Variants in POU2F2 observed in about 807,000 individuals in gnomAD.
POU2F2 encodes POU class 2 homeobox 2.
In POU2F2, 14 loss-of-function variants were observed where a neutral mutation model predicts 63.5. The observed-to-expected ratio is 0.22, with a 90% CI of 0.15 to 0.34. POU2F2 has a LOEUF of 0.34. Ranked by LOEUF, POU2F2 falls within the 10% of genes least tolerant of loss-of-function variation. The pLI is 1.00. For synonymous variants in POU2F2, 306 were observed against 348.6 expected, an observed-to-expected ratio of 0.88 and a Z score of 1.36; for missense variants, 607 against 815.2, an observed-to-expected ratio of 0.74 and a Z score of 3.11.
At chr19:42,146,047 A>AG (rs1568412928) in intron 2 of POU2F2, among the ~76,000 whole-genome samples, 3 of 125,288 alleles carry the variant, frequency 2.4e-5, no homozygotes, top group Admixed American at 1.7e-4. Context: ...AAAAAAAAAA[A>AG]AAAAAGAAAA....
chr19:42,163,105 GACAT>G (rs981629999), intron 1 of POU2F2, among the ~76,000 whole-genome samples: 1 of 152,100 alleles, frequency 6.6e-6, no homozygotes, highest in African/African-American at 2.4e-5. Context: ...AGGGGCATGG[GACAT>G]ACAGCAAACA....
chr19:42,186,610 A>G (rs1483286513), intron 1 of POU2F2, among the ~76,000 whole-genome samples: 1 of 152,098 alleles, frequency 6.6e-6, no homozygotes. Flanking sequence ...TTTTGAGAAT[A>G]TGAATCTGAG....
intron 7 of POU2F2, among the ~76,000 whole-genome samples, chr19:42,098,193 A>C (rs1484289037): frequency 6.6e-6 from 1 of 152,114 alleles, no homozygotes; most frequent in Non-Finnish European, 1.5e-5. Context: ...CAGGTGGATC[A>C]CCTGAAGTCA....
intron 1 of POU2F2, among the ~76,000 whole-genome samples, chr19:42,131,422 T>TGGTCATGCCTAC (rs2033718644): frequency 6.6e-6 from 1 of 152,058 alleles, no homozygotes; most frequent in African/African-American, 2.4e-5. Flanking sequence ...CTCATGCCCA[T>TGGTCATGCCTAC]GGTCATGCCT....
chr19:42,119,182 T>C (rs2032288152), intron 4 of POU2F2, among the ~76,000 whole-genome samples: 1 of 149,218 alleles, frequency 6.7e-6, no homozygotes, highest in Non-Finnish European at 1.5e-5. Flanking sequence ...AGATGCAGCA[T>C]GAAATGACAC....
chr19:42,101,082 G>C (rs2077123470), intron 5 of POU2F2, among the ~76,000 whole-genome samples: 1 of 152,076 alleles, frequency 6.6e-6, no homozygotes, highest in Non-Finnish European at 1.5e-5. Flanking sequence ...CTGCAGCCTG[G>C]GTGACAGAGC....
At chr19:42,124,454 CT>C (rs1360937403) in intron 1 of POU2F2, among the ~76,000 whole-genome samples, 40 of 151,006 alleles carry the variant, frequency 2.6e-4, no homozygotes, top group African/African-American at 9.7e-4. Flanking sequence ...TTTTAAATTC[CT>C]AATTAAAAAA....
At chr19:42,119,868 T>G (rs1318038739) in intron 4 of POU2F2, among the ~76,000 whole-genome samples, 1 of 152,376 alleles carries the variant, frequency 6.6e-6, no homozygotes, top group Non-Finnish European at 1.5e-5. Context: ...AGTCTCTGAT[T>G]GGTGCTTGAA....
At position 42,095,049 on chromosome 19, in the gene POU2F2, A is replaced by T. The variant is rs897075662; in HGVS notation, c.1197+237T>A. ...TCCTGTGTGGCTATGGCACTGTGAT[A>T]ACTCTGTGTCTGGCTATGTCGGTGT... On this transcript the variant is annotated intron_variant, in intron 11 of 14. Coordinates refer to ENST00000692977, the MANE Select transcript of POU2F2 (RefSeq NM_001394376.1). This position sits in a 1 kb window ranked among gnomAD's most constrained non-coding sequence, Gnocchi z 7.1. 3.9e-5 allele frequency among the ~76,000 whole-genome samples: 6 copies of T among 152,206 alleles called. No individual in the cohort carries two copies. Among genetic ancestry groups the T allele is most frequent in the Middle Eastern group, 3.4e-3 (1 of 294 alleles).
chr19:42,138,506 GA>G (rs2034063954), intron 2 of POU2F2, among the ~76,000 whole-genome samples: 1 of 152,218 alleles, frequency 6.6e-6, no homozygotes, highest in East Asian at 1.9e-4. Context: ...TTTGAGGTTG[GA>G]TTTGAAGTTG....
At position 42,096,931 on chromosome 19, in the gene POU2F2, G is replaced by T. The variant is rs2076942809; in HGVS notation, c.568-688C>A. ...ATCTCTATATCTTCCACTCAGTTTT[G>T]CTGTGAATCTAAAACAGCTCTTAAG... On this transcript the variant is annotated intron_variant, in intron 7 of 14. Transcript: ENST00000692977. The surrounding 1 kb of genome is among the most constrained non-coding windows in gnomAD (Gnocchi z 4.1). Among the ~76,000 whole-genome samples the T allele has an allele frequency of 2.0e-5, 3 of 151,894 alleles. No homozygotes were observed. Among genetic ancestry groups the T allele is most frequent in the African/African-American group, 7.3e-5 (3 of 41,328 alleles).
chr19:42,150,547 G>A (rs565074819), intron 2 of POU2F2, among the ~76,000 whole-genome samples: 1 of 151,794 alleles, frequency 6.6e-6, no homozygotes, highest in Admixed American at 6.5e-5. Flanking sequence ...ATCGATCGGG[G>A]CTGGAGGGGG....
chr19:42,168,400 G>C (rs970733717), intron 1 of POU2F2, among the ~76,000 whole-genome samples: 1 of 152,222 alleles, frequency 6.6e-6, no homozygotes, highest in African/African-American at 2.4e-5. Flanking sequence ...TCTCCTCTCA[G>C]TCCTCCTGAA....
chr19:42,092,316 C>A lies in POU2F2; in HGVS notation c.1265-46G>T. 1 of 1,429,898 alleles carries A rather than the reference C, an allele frequency of 7.0e-7. No homozygotes were observed. The highest frequency in any genetic ancestry group is 9.6e-7 in the Non-Finnish European group (1 of 1,037,170). The allele number at this position is 1,429,898 out of a possible 1,614,324, so 88.6% of individuals were successfully genotyped here. ...GATGGGGTCTTCAGCTTCCACTCGT[C>A]CCCCACTGAGGAACCTGGGGTCAGC... On this transcript the variant is annotated intron_variant, in intron 12 of 14. Transcript: ENST00000692977. This position sits in a 1 kb window ranked among gnomAD's most constrained non-coding sequence, Gnocchi z 5.0.
intron 1 of POU2F2, among the ~76,000 whole-genome samples, chr19:42,161,803 C>G (rs1209664732): frequency 2.6e-5 from 4 of 152,156 alleles, no homozygotes; most frequent in Non-Finnish European, 2.9e-5. Flanking sequence ...GAGGGAGGAG[C>G]TGGGGTTGCT....
intron 2 of POU2F2, among the ~76,000 whole-genome samples, chr19:42,151,184 G>A (rs1035522098): frequency 4.6e-5 from 7 of 152,306 alleles, no homozygotes; most frequent in South Asian, 2.1e-4. Flanking sequence ...GTCAGGCCAC[G>A]TCCCCTCAGC....
chr19:42,126,765 AGACCAATGC>A (rs1266974616), intron 1 of POU2F2, among the ~76,000 whole-genome samples: 1 of 152,092 alleles, frequency 6.6e-6, no homozygotes, highest in African/African-American at 2.4e-5. Flanking sequence ...CTTCCCCACA[AGACCAATGC>A]GACAGGCCTG....
intron 1 of POU2F2, among the ~76,000 whole-genome samples, chr19:42,182,993 C>A (rs958206648): frequency 1.3e-5 from 2 of 152,156 alleles, no homozygotes; most frequent in Non-Finnish European, 2.9e-5. Context: ...GCCTGCTGAG[C>A]AGAACCAGCC....
rs2035016178 is a variant in POU2F2 at position 42,186,697 on chromosome 19, AC to A, written c.-70+9685del. On this transcript the variant is annotated intron_variant, in intron 1 of 5. Transcript: ENST00000532176. ...CAAGAGATGCTAATGGCCAGTATTG[AC>A]ATTGGTATCAGGGACATGAAGGAGG... 3.3e-5 allele frequency among the ~76,000 whole-genome samples: 5 copies of A among 152,168 alleles called. No homozygotes were observed. In the South Asian group the frequency reaches 1.0e-3, roughly 32 times the overall value.
Sources: allele counts gnomAD v4.1 joint callset (sites outside exome capture counted in the v4.1 genomes callset), GRCh38; gene constraint gnomAD v4.1.1; non-coding constraint Gnocchi (gnomAD v3.1); transcripts MANE v1.5; gene names NCBI Gene and HGNC (gene_info 2026-07-23, HGNC 2026-07-21).